PPIF: variants seen among roughly 807,000 people sequenced by gnomAD.
PPIF encodes peptidylprolyl isomerase F.
PPIF carries 23 observed loss-of-function variants against 20.2 expected under a neutral mutation model. That is an observed-to-expected ratio of 1.14 (90% CI 0.82 to 1.61). The LOEUF (loss-of-function observed/expected upper bound fraction) is 1.61. Among genes scored for constraint, PPIF ranks in the 40% most tolerant of loss-of-function variants. The probability of loss-of-function intolerance (pLI) is 0.00; values close to 1 mark genes in which losing one functional copy is unlikely to be tolerated. For missense variants in PPIF, 287 were observed against 291.6 expected, an observed-to-expected ratio of 0.98 and a Z score of 0.11; for synonymous variants, 113 against 123.1, an observed-to-expected ratio of 0.92 and a Z score of 0.54.
At chr10:79,347,919 C>T (rs1855922141) in intron 1 of PPIF, among the ~76,000 whole-genome samples, 176 bp downstream of exon 1, 1 of 152,170 alleles carries the variant, frequency 6.6e-6, no homozygotes, top group African/African-American at 2.4e-5. Flanking sequence ...TTCCGGCCTC[C>T]CTCGGAGCAC....
Position 79,353,706 on chromosome 10 carries a change from G to A in PPIF, c.489-1G>A, listed in dbSNP as rs1294555824. 2 of 1,614,146 alleles carry A rather than the reference G, an allele frequency of 1.2e-6. No homozygotes were observed. The highest frequency in any genetic ancestry group is 1.7e-6 in the Non-Finnish European group (2 of 1,180,056). On this transcript the variant is annotated splice_acceptor_variant, in intron 5 of 5. Coordinates refer to ENST00000225174, the MANE Select transcript of PPIF (RefSeq NM_005729.4). LOFTEE classifies it high-confidence loss of function. ...CTCACCCGGGTCACCCGTCCTCACAGGTTGGATGGCAAGCATGTTGTGTTC... is the reference window on the plus strand; with the variant it reads ...CTCACCCGGGTCACCCGTCCTCACAAGTTGGATGGCAAGCATGTTGTGTTC...
In PPIF at chr10:79,347,601, G is replaced by T; in HGVS notation, c.53G>T (p.Arg18Leu). 7.0e-7 allele frequency: 1 copy of T among 1,428,816 alleles called. No individual in the cohort carries two copies. The highest frequency in any genetic ancestry group is 3.1e-5 in the East Asian group (1 of 32,520). The allele number at this position is 1,428,816 out of a possible 1,614,324, so 88.5% of individuals were successfully genotyped here. A position where few individuals can be genotyped will look rare whatever the true frequency, so the allele number is the denominator to read the frequency against. ...TGGCTCGGCCTGCTCTCCGTCCCGC[G>T]CTCCGTGCCGCTGCGCCTCCCCGCG... ...SRWLGLLSVPRSVPLRLPAAR... is the reference protein window; with the variant it reads ...SRWLGLLSVPLSVPLRLPAAR... The change falls in exon 1 of 6, where the codon CGC becomes CTC. Residue 18 changes from arginine (R) to leucine (L), a missense_variant. Arg to Leu is a moderately radical substitution (Grantham distance 102, BLOSUM62 -2). Transcript: ENST00000225174.
chr10:79,353,995 C>T lies in PPIF; in HGVS notation c.*153C>T, dbSNP rs532215710. The T allele has an allele frequency of 1.5e-4, 126 of 826,530 alleles. 1 individual carries two copies. Among genetic ancestry groups the T allele is most frequent in the Non-Finnish European group, 2.1e-4 (115 of 535,492 alleles). The allele number at this position is 826,530 out of a possible 1,614,324, so 51.2% of individuals were successfully genotyped here. On this transcript the variant is annotated 3_prime_UTR_variant, in exon 6 of 6. Transcript: ENST00000225174. ...GAAGGCTGCTAGGGATGTTAGACCTCGGCCAGGACCCACCACATTGCTTCC... is the reference window on the plus strand; with the variant it reads ...GAAGGCTGCTAGGGATGTTAGACCTTGGCCAGGACCCACCACATTGCTTCC...
chr10:79,351,741 G>T (rs1237550572), intron 4 of PPIF, 158 bp downstream of exon 4: 5 of 642,138 alleles, frequency 7.8e-6, no homozygotes, highest in East Asian at 3.0e-5. Flanking sequence ...TTTCTGGCTT[G>T]TTGAGTTTCC....
Position 79,351,484 on chromosome 10 carries a change from C to G in PPIF, c.316-3C>G, listed in dbSNP as rs775170004. On this transcript the variant is annotated splice_region_variant and splice_polypyrimidine_tract_variant and intron_variant, in intron 3 of 5. Transcript: ENST00000225174. Reference sequence around the variant, plus strand: ...CCACTCAGAAGGTGCTTTGTGCTCACAGGCGGGCGACTTCACCAACCACAA... The same window carrying G: ...CCACTCAGAAGGTGCTTTGTGCTCAGAGGCGGGCGACTTCACCAACCACAA... 1.2e-5 allele frequency: 19 copies of G among 1,613,586 alleles called. No homozygotes were observed. Among genetic ancestry groups the G allele is most frequent in the Non-Finnish European group, 1.5e-5 (18 of 1,179,834 alleles).
chr10:79,351,914 G>C (rs1855987592), intron 4 of PPIF, among the ~76,000 whole-genome samples: 1 of 152,232 alleles, frequency 6.6e-6, no homozygotes, highest in African/African-American at 2.4e-5. Context: ...ATGGTCCTTA[G>C]GTCCTTTGAG....
At chr10:79,347,937 G>A (rs1855922397) in intron 1 of PPIF, among the ~76,000 whole-genome samples, 194 bp downstream of exon 1, 1 of 152,148 alleles carries the variant, frequency 6.6e-6, no homozygotes, top group South Asian at 2.1e-4. Context: ...CACTGGAGCG[G>A]GGGAGACGGG....
chr10:79,347,713 C>A lies in PPIF; in HGVS notation c.165C>A (p.Asn55Lys). 6.9e-7 allele frequency: 1 copy of A among 1,452,062 alleles called. No homozygotes were observed. The highest frequency in any genetic ancestry group is 1.4e-5 in the South Asian group (1 of 69,922). The allele number at this position is 1,452,062 out of a possible 1,614,324, so 89.9% of individuals were successfully genotyped here. A position where few individuals can be genotyped will look rare whatever the true frequency, so the allele number is the denominator to read the frequency against. The part of the protein sequence containing the change: ...NPLVYLDVDA[N>K]GKPLGRVVLE... ...TCGTGTACCTGGACGTGGACGCCAACGGGAAGCCGCTCGGCCGCGTGGTGC... is the reference window on the plus strand; with the variant it reads ...TCGTGTACCTGGACGTGGACGCCAAAGGGAAGCCGCTCGGCCGCGTGGTGC... Residue 55 changes from asparagine to lysine, a missense_variant, in exon 1 of 6, where the codon AAC becomes AAA. Transcript: ENST00000225174.
At chr10:79,349,828 T>C (rs2132151117) in intron 3 of PPIF, 75 bp downstream of exon 3, 1 of 1,600,088 alleles carries the variant, frequency 6.2e-7, no homozygotes, top group Non-Finnish European at 8.5e-7. Flanking sequence ...ATGCCTGGTA[T>C]GAGGAAGGTG....
Position 79,349,589 on chromosome 10 carries a change from G to A in PPIF, c.227-76G>A, listed in dbSNP as rs145073666. On this transcript the variant is annotated intron_variant, in intron 2 of 5. Coordinates refer to ENST00000225174, the MANE Select transcript of PPIF (RefSeq NM_005729.4). ...CTGTTCACTGCTGGGGATGTAGCAG[G>A]GATTTTGGCTGGAACGGGTATGACC... The A allele has an allele frequency of 1.3e-4, 206 of 1,592,404 alleles. 1 individual carries two copies. The African/African-American group carries it at 2.5e-3, about 19-fold the overall frequency.
chr10:79,353,291 T>C (rs1358373739), intron 5 of PPIF, among the ~76,000 whole-genome samples: 2 of 152,384 alleles, frequency 1.3e-5, no homozygotes, highest in Middle Eastern at 3.4e-3. Flanking sequence ...TGCCCAGGAC[T>C]CCTGCAGTTT....
rs913088300 is a variant in PPIF, at chr10:79,353,573, G to C, written c.489-134G>C. ...GCTCAACAAGGCTTGATCGAGCTTT[G>C]GGGGTAGATCTAGCTATTCCATGGG... On this transcript the variant is annotated intron_variant, in intron 5 of 5. Transcript: ENST00000225174. 37 of 1,498,372 alleles carry C rather than the reference G, an allele frequency of 2.5e-5. No homozygotes were observed. The East Asian group carries it at 5.2e-4, about 21-fold the overall frequency. 92.8% of individuals were successfully genotyped at this position (1,498,372 alleles called of 1,614,324 possible).
At chr10:79,352,196 G>A in intron 4 of PPIF, 121 bp from the exon 5 acceptor site, 1 of 857,510 alleles carries the variant, frequency 1.2e-6, no homozygotes. Context: ...CTCCTCTTCT[G>A]GGTCCCAGGA....
In PPIF at chr10:79,354,655, C is replaced by G. The variant is rs1175555253; in HGVS notation, c.*813C>G. On this transcript the variant is annotated 3_prime_UTR_variant, in exon 6 of 6. Transcript: ENST00000225174. ...TACTCATGATGTGTTATGCATAAAA[C>G]ATTTCTGGAACATGGATTTGTGTTC... The G allele has an allele frequency of 2.0e-5, 3 of 152,762 alleles. No individual in the cohort carries two copies. The highest frequency in any genetic ancestry group is 4.4e-5 in the Non-Finnish European group (3 of 68,044). 9.5% of individuals were successfully genotyped at this position (152,762 alleles called of 1,614,324 possible). A position where few individuals can be genotyped will look rare whatever the true frequency, so the allele number is the denominator to read the frequency against.
At chr10:79,352,415 T>C (rs1478895020) in intron 5 of PPIF, 23 bp downstream of exon 5, 3 of 1,605,510 alleles carry the variant, frequency 1.9e-6, no homozygotes, top group Non-Finnish European at 1.7e-6. Context: ...CCCCAGGCCC[T>C]CTGGGAATGC....
At position 79,347,477 on chromosome 10, in the gene PPIF, T is replaced by A. The variant is rs1454563575; in HGVS notation, c.-72T>A. 8.0e-7 allele frequency: 1 copy of A among 1,250,562 alleles called. No individual in the cohort carries two copies. Among genetic ancestry groups the A allele is most frequent in the Non-Finnish European group, 1.0e-6 (1 of 998,074 alleles). 77.5% of individuals were successfully genotyped at this position (1,250,562 alleles called of 1,614,324 possible). On this transcript the variant is annotated 5_prime_UTR_variant, in exon 1 of 6. Transcript: ENST00000225174. ...GCGCGCGGCTGCGCGGGACTCGGCC[T>A]TCTGGGCGCGCGCGACGTCAGTTTG... is the stretch of plus-strand genomic sequence containing the variant.
chr10:79,349,892 G>A, intron 3 of PPIF, 139 bp downstream of exon 3: 2 of 1,483,660 alleles, frequency 1.3e-6, no homozygotes, highest in Non-Finnish European at 1.8e-6. Flanking sequence ...CCCTGCATTA[G>A]CCCTGTATCC....
chr10:79,347,665 TTCC>T lies in PPIF; in HGVS notation c.127_129del (p.Ser43del), dbSNP rs1270713224. 1.8e-5 allele frequency: 27 copies of T among 1,473,576 alleles called. No individual in the cohort carries two copies. Among genetic ancestry groups the T allele is most frequent in the Admixed American group, 7.3e-5 (3 of 41,042 alleles). 91.3% of individuals were successfully genotyped at this position (1,473,576 alleles called of 1,614,324 possible). A position where few individuals can be genotyped will look rare whatever the true frequency, so the allele number is the denominator to read the frequency against. On this transcript the variant is annotated inframe_deletion, in exon 1 of 6. Transcript: ENST00000225174. Reference sequence around the variant, plus strand: ...GCAAGGGCTCCGGCGACCCGTCCTCTTCCTCCTCCTCCGGGAACCCGCTCGTGT... The same window carrying T: ...GCAAGGGCTCCGGCGACCCGTCCTCTTCCTCCTCCGGGAACCCGCTCGTGT...
intron 4 of PPIF, 67 bp downstream of exon 4, chr10:79,351,650 G>GC (rs774875304): frequency 5.6e-6 from 8 of 1,427,078 alleles, no homozygotes; most frequent in Non-Finnish European, 7.8e-6. Context: ...GCCCCAGCAG[G>GC]CCCTGAGAGG....
Sources: allele counts gnomAD v4.1 joint callset (sites outside exome capture counted in the v4.1 genomes callset), GRCh38; gene constraint gnomAD v4.1.1; transcripts MANE v1.5; gene names NCBI Gene and HGNC (gene_info 2026-07-23, HGNC 2026-07-21).